FAM174A: variants seen among roughly 807,000 people sequenced by gnomAD.
FAM174A encodes the protein membrane protein FAM174A.
A neutral mutation model predicts 14.3 loss-of-function variants in FAM174A; 14 were observed. That is an observed-to-expected ratio of 0.98 (90% confidence interval 0.65 to 1.53). The LOEUF is 1.53. Among genes scored for constraint, FAM174A ranks in the 40% most tolerant of loss-of-function variants. The pLI is 0.00. For synonymous variants in FAM174A, 108 were observed against 111.4 expected (o/e 0.97, Z 0.19); for missense variants, 241 against 249.6 (o/e 0.97, Z 0.23).
intron 1 of FAM174A, among the ~76,000 whole-genome samples, chr5:100,548,652 A>T (rs1436131518): frequency 6.6e-6 from 1 of 152,060 alleles, no homozygotes; most frequent in African/African-American, 2.4e-5. Flanking sequence ...TCCCACATTT[A>T]ATTTTCTCTA....
intron 2 of FAM174A, among the ~76,000 whole-genome samples, chr5:100,568,597 A>T (rs539108544): frequency 0.011 from 1,721 of 151,194 alleles, 15 homozygotes; most frequent in Middle Eastern, 0.02. Flanking sequence ...CTTCCTTTCC[A>T]TAGTTGTGTT....
At chr5:100,564,404 C>G (rs745615453) in intron 2 of FAM174A, among the ~76,000 whole-genome samples, 4 of 151,510 alleles carry the variant, frequency 2.6e-5, no homozygotes, top group Non-Finnish European at 4.4e-5. Context: ...AAGTTTATAG[C>G]AATAAATGCT....
At chr5:100,541,620 A>G (rs1016041208) in intron 1 of FAM174A, among the ~76,000 whole-genome samples, 4 of 152,028 alleles carry the variant, frequency 2.6e-5, no homozygotes, top group Non-Finnish European at 5.9e-5. Context: ...TATTGAAGAT[A>G]TGGGAAAGGA....
Position 100,586,201 on chromosome 5 carries a change from G to A in FAM174A, c.*17G>A. 1 of 1,411,740 alleles carries A rather than the reference G, an allele frequency of 7.1e-7. No individual in the cohort carries two copies. Among genetic ancestry groups the A allele is most frequent in the South Asian group, 1.3e-5 (1 of 75,456 alleles). The allele number at this position is 1,411,740 out of a possible 1,614,324, so 87.5% of individuals were successfully genotyped here. Reference sequence around the variant, plus strand: ...TGCAGATAAGAATGTGCCTTTTGATGAAAGAACTTTATCTTTCTACAATGA... The same window carrying A: ...TGCAGATAAGAATGTGCCTTTTGATAAAAGAACTTTATCTTTCTACAATGA... On this transcript the variant is annotated 3_prime_UTR_variant, in exon 3 of 3. Coordinates refer to ENST00000312637, the MANE Select transcript of FAM174A (RefSeq NM_198507.3).
intron 1 of FAM174A, among the ~76,000 whole-genome samples, chr5:100,538,373 G>A (rs1259725629): frequency 2.0e-5 from 3 of 151,930 alleles, no homozygotes; most frequent in Non-Finnish European, 4.4e-5. Flanking sequence ...TTATTACATT[G>A]AACTACATGA....
rs1336205025 is a variant in FAM174A, at chr5:100,575,753, C to T, written c.570-10428C>T. Among the ~76,000 whole-genome samples the T allele has an allele frequency of 2.6e-5, 4 of 152,130 alleles. No homozygotes were observed. In the East Asian group the frequency reaches 7.7e-4, roughly 29 times the overall value. Reference sequence around the variant, plus strand: ...ACCATCAGAGTGAACAGGGAACCTACAGAATGGGAGAAAATTTTTGCAATC... The same window carrying T: ...ACCATCAGAGTGAACAGGGAACCTATAGAATGGGAGAAAATTTTTGCAATC... On this transcript the variant is annotated intron_variant, in intron 2 of 2. Transcript: ENST00000312637.
chr5:100,537,286 C>A (rs1180152332), intron 1 of FAM174A, among the ~76,000 whole-genome samples: 1 of 152,024 alleles, frequency 6.6e-6, no homozygotes, highest in Non-Finnish European at 1.5e-5. Context: ...TATTTTTTAT[C>A]TACTCCTATC....
rs34241194 is a variant in FAM174A, at chr5:100,554,310, C to CTT, written c.435-7722_435-7721dup. ...AACTAACTTCCCTCTATTTTTCTAT[C>CTT]TTTTTTTTTTTTTTTTTTTTTTTGA... On this transcript the variant is annotated intron_variant, in intron 1 of 2. Coordinates refer to ENST00000312637, the MANE Select transcript of FAM174A (RefSeq NM_198507.3). Among the ~76,000 whole-genome samples, 610 of 93,912 alleles carry CTT rather than the reference C, an allele frequency of 6.5e-3. 1 individual carries two copies. The highest frequency in any genetic ancestry group is 0.013 in the East Asian group (43 of 3,256). 61.6% of individuals were successfully genotyped at this position (93,912 alleles called of 152,430 possible).
chr5:100,552,382 G>T (rs1343811058), intron 1 of FAM174A, among the ~76,000 whole-genome samples: 1 of 151,854 alleles, frequency 6.6e-6, no homozygotes, highest in East Asian at 1.9e-4. Context: ...GTGTATATGT[G>T]TGTGTATAGT....
At position 100,562,036 on chromosome 5, in the gene FAM174A, A is replaced by AT; in HGVS notation, c.435-15dup. 7.0e-7 allele frequency: 1 copy of AT among 1,423,744 alleles called. No homozygotes were observed. The highest frequency in any genetic ancestry group is 2.5e-5 in the East Asian group (1 of 39,556). The allele number at this position is 1,423,744 out of a possible 1,614,324, so 88.2% of individuals were successfully genotyped here. The stretch of plus-strand genomic sequence containing the variant: ...CATATTAAATAATTTTTATTCATTA[A>AT]TTTGTTCTATTTGATAGGATGAGAA... On this transcript the variant is annotated splice_polypyrimidine_tract_variant and intron_variant, in intron 1 of 2. Transcript: ENST00000312637.
chr5:100,539,499 T>G (rs911473948), intron 1 of FAM174A, among the ~76,000 whole-genome samples: 4 of 152,182 alleles, frequency 2.6e-5, no homozygotes, highest in African/African-American at 7.2e-5. Flanking sequence ...AAGATTATTT[T>G]TGAGCTTTTA....
intron 2 of FAM174A, among the ~76,000 whole-genome samples, chr5:100,571,496 G>A (rs549513074): frequency 4.7e-5 from 7 of 150,480 alleles, no homozygotes; most frequent in Middle Eastern, 3.5e-3. Flanking sequence ...AATTATGTGC[G>A]TAATTTTCAC....
intron 1 of FAM174A, among the ~76,000 whole-genome samples, chr5:100,546,172 T>A (rs1746160756): frequency 6.6e-6 from 1 of 152,190 alleles, no homozygotes; most frequent in East Asian, 1.9e-4. Flanking sequence ...TTGTCCTCCA[T>A]GTGGTAACAG....
At chr5:100,541,382 G>A (rs1746047592) in intron 1 of FAM174A, among the ~76,000 whole-genome samples, 1 of 152,110 alleles carries the variant, frequency 6.6e-6, no homozygotes, top group Non-Finnish European at 1.5e-5. Context: ...TATTTTTGTA[G>A]AAGACTAAAT....
chr5:100,558,559 T>A (rs182824908), intron 1 of FAM174A, among the ~76,000 whole-genome samples: 8 of 152,208 alleles, frequency 5.3e-5, no homozygotes, highest in African/African-American at 1.9e-4. Flanking sequence ...CCCATTATTA[T>A]TGTGTGGGAG....
chr5:100,543,964 T>C (rs1267754573), intron 1 of FAM174A, among the ~76,000 whole-genome samples: 1 of 152,266 alleles, frequency 6.6e-6, no homozygotes, highest in East Asian at 1.9e-4. Context: ...CTATAATAGG[T>C]GGTTCTGTTT....
chr5:100,540,658 C>G (rs1014816357), intron 1 of FAM174A, among the ~76,000 whole-genome samples: 2 of 152,074 alleles, frequency 1.3e-5, no homozygotes, highest in Admixed American at 6.6e-5. Context: ...AGTTAGTTTG[C>G]TATGTGGTCA....
chr5:100,578,642 CT>C, intron 2 of FAM174A, among the ~76,000 whole-genome samples: 1 of 152,170 alleles, frequency 6.6e-6, no homozygotes, highest in African/African-American at 2.4e-5. Flanking sequence ...TATTGTTTTT[CT>C]TTTTTTAATA....
At chr5:100,577,895 A>C (rs1274365239) in intron 2 of FAM174A, among the ~76,000 whole-genome samples, 3 of 152,072 alleles carry the variant, frequency 2.0e-5, no homozygotes, top group African/African-American at 7.2e-5. Context: ...TGAAAAAGAA[A>C]TATTTGGGAT....
Sources: gnomAD v4.1 joint callset for allele counts (sites outside exome capture counted in the v4.1 genomes callset) on GRCh38, gnomAD v4.1.1 for gene constraint, MANE v1.5 for transcripts, NCBI Gene and HGNC (gene_info 2026-07-23, HGNC 2026-07-21) for gene names.